The following HIBADH variants were observed in gnomAD, a reference collection of about 807,000 sequenced individuals.
HIBADH encodes 3-hydroxyisobutyrate dehydrogenase, mitochondrial.
A neutral mutation model predicts 36.1 loss-of-function variants in HIBADH; 25 were observed. The observed-to-expected ratio is 0.69, with a 90% CI of 0.50 to 0.97. The LOEUF (loss-of-function observed/expected upper bound fraction) is 0.97, where lower values mean the gene tolerates loss of function less well. HIBADH is among the 50% of genes least tolerant of loss of function. The pLI, the probability that HIBADH is intolerant of heterozygous loss-of-function variation, is 0.00. For synonymous variants in HIBADH, 160 were observed against 149.5 expected (o/e 1.07, Z -0.51); for missense variants, 421 against 418.0 (o/e 1.01, Z -0.06).
chr7:27,601,202 A>G (rs61407744), intron 4 of HIBADH, among the ~76,000 whole-genome samples: 31,170 of 152,018 alleles, frequency 0.21, 4,212 homozygotes, highest in East Asian at 0.54. Flanking sequence ...TTCAAGATAA[A>G]ACTATTACAC....
In HIBADH at chr7:27,597,459, A is replaced by G. The variant is rs1157201036; in HGVS notation, c.484+31912T>C. Among the ~76,000 whole-genome samples, 3 of 143,988 alleles carry G rather than the reference A, an allele frequency of 2.1e-5. 1 individual carries two copies. Among genetic ancestry groups the G allele is most frequent in the African/African-American group, 8.0e-5 (3 of 37,684 alleles). 94.5% of individuals were successfully genotyped at this position (143,988 alleles called of 152,430 possible). A position where few individuals can be genotyped will look rare whatever the true frequency, so the allele number is the denominator to read the frequency against. On this transcript the variant is annotated intron_variant, in intron 4 of 7. Transcript: ENST00000265395. ...CCATAGACTCAGTAAAAAAAAAAAA[A>G]CAATCATGATGCTCGGAGTCAATAA...
At chr7:27,565,105 T>C (rs1022653785) in intron 4 of HIBADH, among the ~76,000 whole-genome samples, 2 of 152,108 alleles carry the variant, frequency 1.3e-5, no homozygotes, top group Admixed American at 1.3e-4. Context: ...TATAGAGCTC[T>C]TATGCTCCAA....
intron 4 of HIBADH, among the ~76,000 whole-genome samples, chr7:27,625,592 G>A (rs1785625687): frequency 6.6e-6 from 1 of 152,028 alleles, no homozygotes; most frequent in South Asian, 2.1e-4. Context: ...AAATAGCAAG[G>A]CTCTAGTTCT....
chr7:27,584,401 T>C (rs1360345452), intron 4 of HIBADH, among the ~76,000 whole-genome samples: 4 of 152,038 alleles, frequency 2.6e-5, no homozygotes, highest in African/African-American at 9.7e-5. Context: ...TTCACAAAAG[T>C]CTTTAAGGAT....
intron 4 of HIBADH, among the ~76,000 whole-genome samples, chr7:27,544,531 A>ACTG (rs1784206712): frequency 6.6e-6 from 1 of 152,216 alleles, no homozygotes; most frequent in South Asian, 2.1e-4. Context: ...CATTAAAGTG[A>ACTG]CTGCTGTTTT....
intron 2 of HIBADH, among the ~76,000 whole-genome samples, chr7:27,645,816 C>T (rs1046428941): frequency 3.3e-5 from 5 of 152,136 alleles, no homozygotes; most frequent in African/African-American, 4.8e-5. Flanking sequence ...TTGTCTTATG[C>T]TGGCGTTGTA....
intron 4 of HIBADH, among the ~76,000 whole-genome samples, chr7:27,568,867 AGTTTG>A (rs1296692544): frequency 6.7e-6 from 1 of 148,980 alleles, no homozygotes; most frequent in Non-Finnish European, 1.5e-5. Context: ...TAAACCTCTA[AGTTTG>A]TCTTTCACTA....
At chr7:27,539,856 G>T (rs142050602) in intron 5 of HIBADH, among the ~76,000 whole-genome samples, 5 of 151,898 alleles carry the variant, frequency 3.3e-5, no homozygotes, top group African/African-American at 9.7e-5. Context: ...GCAAGCTAGA[G>T]AAAAAAATGT....
intron 4 of HIBADH, among the ~76,000 whole-genome samples, chr7:27,573,845 A>G (rs898660094): frequency 6.6e-6 from 1 of 152,200 alleles, no homozygotes; most frequent in Non-Finnish European, 1.5e-5. Flanking sequence ...TTTTATATTG[A>G]TTACATGTTG....
In HIBADH at chr7:27,649,465, G is replaced by A; in HGVS notation, c.252+8C>T. On this transcript the variant is annotated splice_region_variant and intron_variant, in intron 2 of 7. Transcript: ENST00000265395. ...AAATCTAAAACAAATCTAAAGAAAA[G>A]GTCTTACCTGTTCACCTGCATCTTG... is the stretch of plus-strand genomic sequence containing the variant. 1 of 1,593,028 alleles carries A rather than the reference G, an allele frequency of 6.3e-7. No homozygotes were observed. The highest frequency in any genetic ancestry group is 8.6e-7 in the Non-Finnish European group (1 of 1,169,380).
chr7:27,550,242 T>C lies in HIBADH; in HGVS notation c.485-7142A>G, dbSNP rs545693539. On this transcript the variant is annotated intron_variant, in intron 4 of 7. Coordinates refer to ENST00000265395, the MANE Select transcript of HIBADH (RefSeq NM_152740.4). Reference sequence around the variant, plus strand: ...TTATATAATCTCAAAGTTCCTCCCATTTTTTCTCCATTAAGTTATTCTTTC... The same window carrying C: ...TTATATAATCTCAAAGTTCCTCCCACTTTTTCTCCATTAAGTTATTCTTTC... Among the ~76,000 whole-genome samples, 11 of 152,214 alleles carry C rather than the reference T, an allele frequency of 7.2e-5. No individual in the cohort carries two copies. In the South Asian group the frequency reaches 2.3e-3, roughly 32 times the overall value.
In HIBADH at chr7:27,628,822, T is replaced by C. The variant is rs140047759; in HGVS notation, c.484+549A>G. Among the ~76,000 whole-genome samples the C allele has an allele frequency of 3.6e-3, 541 of 152,204 alleles. 3 individuals carry two copies. The highest frequency in any genetic ancestry group is 0.012 in the African/African-American group (501 of 41,576). Reference sequence around the variant, plus strand: ...TAAACCTATATTTATTTTTTCTCTTTTATAACATTTCTATCTGGTGTAAAT... The same window carrying C: ...TAAACCTATATTTATTTTTTCTCTTCTATAACATTTCTATCTGGTGTAAAT... On this transcript the variant is annotated intron_variant, in intron 4 of 7. Coordinates refer to ENST00000265395, the MANE Select transcript of HIBADH (RefSeq NM_152740.4).
chr7:27,654,185 T>C (rs1264557540), intron 1 of HIBADH, among the ~76,000 whole-genome samples: 2 of 151,856 alleles, frequency 1.3e-5, no homozygotes, highest in African/African-American at 4.8e-5. Context: ...TAGAAACTAT[T>C]CAAAACACAA....
chr7:27,645,376 T>TTTTTTTTTTTG lies in HIBADH; in HGVS notation c.252+4096_252+4097insCAAAAAAAAAA, dbSNP rs1562657250. Among the ~76,000 whole-genome samples the TTTTTTTTTTTG allele has an allele frequency of 1.2e-4, 14 of 117,812 alleles. 1 individual carries two copies. The highest frequency in any genetic ancestry group is 1.7e-4 in the African/African-American group (4 of 24,136). The allele number at this position is 117,812 out of a possible 152,430, so 77.3% of individuals were successfully genotyped here. A position where few individuals can be genotyped will look rare whatever the true frequency, so the allele number is the denominator to read the frequency against. ...TGTGTCTCATGGTTTTGATTTTTTT[T>TTTTTTTTTTTG]TTTTTTTTTTTTTTTTTTTGAGACA... is the stretch of plus-strand genomic sequence containing the variant. On this transcript the variant is annotated intron_variant, in intron 2 of 7. Transcript: ENST00000265395.
chr7:27,536,936 T>C (rs1215043818), intron 6 of HIBADH, among the ~76,000 whole-genome samples: 1 of 152,218 alleles, frequency 6.6e-6, no homozygotes. Context: ...AATAAAATTC[T>C]AAACATACAT....
At chr7:27,563,324 C>G (rs756647001) in intron 4 of HIBADH, among the ~76,000 whole-genome samples, 1 of 152,100 alleles carries the variant, frequency 6.6e-6, no homozygotes, top group Non-Finnish European at 1.5e-5. Context: ...ATTTTTAAGT[C>G]GTTTTCAGTT....
intron 4 of HIBADH, among the ~76,000 whole-genome samples, chr7:27,616,057 G>A (rs1785419949): frequency 6.6e-6 from 1 of 152,134 alleles, no homozygotes; most frequent in South Asian, 2.1e-4. Flanking sequence ...CAAGAAGCAT[G>A]GCACTAGCAC....
chr7:27,552,188 G>GT (rs1448024827), intron 4 of HIBADH, among the ~76,000 whole-genome samples: 3 of 152,182 alleles, frequency 2.0e-5, no homozygotes, highest in Non-Finnish European at 4.4e-5. Context: ...TGTTTGATTT[G>GT]TAAGTGATCA....
chr7:27,541,739 A>G, intron 5 of HIBADH: 1 of 437,998 alleles, frequency 2.3e-6, no homozygotes, highest in Non-Finnish European at 4.5e-6. Context: ...GTGTCATTCA[A>G]GGTTTATGGT....
Sources: allele counts gnomAD v4.1 joint callset (sites outside exome capture counted in the v4.1 genomes callset), GRCh38; gene constraint gnomAD v4.1.1; transcripts MANE v1.5; gene names NCBI Gene and HGNC (gene_info 2026-07-23, HGNC 2026-07-21).